The following MARCHF1 variants were observed in gnomAD, a reference collection of about 807,000 sequenced individuals.
The protein encoded by MARCHF1 is membrane associated ring-CH-type finger 1.
A neutral mutation model predicts 54.2 loss-of-function variants in MARCHF1; 40 were observed. The observed-to-expected ratio is 0.74, with a 90% CI of 0.57 to 0.96. MARCHF1 has a LOEUF of 0.96. Among genes scored for constraint, MARCHF1 ranks in the 40% least tolerant of loss-of-function variants. MARCHF1 has a pLI of 0.00. For synonymous variants in MARCHF1, 236 were observed against 236.3 expected, an observed-to-expected ratio of 1.00 and a Z score of 0.01; for missense variants, 586 against 656.5, an observed-to-expected ratio of 0.89 and a Z score of 1.17.
intron 1 of MARCHF1, among the ~76,000 whole-genome samples, chr4:164,181,452 A>G (rs1730831798): frequency 6.6e-6 from 1 of 152,184 alleles, no homozygotes; most frequent in Non-Finnish European, 1.5e-5. Flanking sequence ...AACTATGTTC[A>G]AGAACTACAA....
At chr4:163,623,534 G>C (rs1046388470) in intron 5 of MARCHF1, among the ~76,000 whole-genome samples, 1 of 152,124 alleles carries the variant, frequency 6.6e-6, no homozygotes, top group African/African-American at 2.4e-5. Flanking sequence ...GCCTAAATGG[G>C]ACGGCGTTAA....
At chr4:163,601,268 T>C (rs995138573) in intron 7 of MARCHF1, among the ~76,000 whole-genome samples, 2 of 152,156 alleles carry the variant, frequency 1.3e-5, no homozygotes, top group Non-Finnish European at 2.9e-5. Context: ...CAACAAACAC[T>C]GTACCCAGTA....
At chr4:163,989,645 T>C (rs901268660) in intron 2 of MARCHF1, among the ~76,000 whole-genome samples, 16 of 152,206 alleles carry the variant, frequency 1.1e-4, no homozygotes, top group African/African-American at 1.4e-4. Context: ...AAAAAATTCC[T>C]TTTAAAACAT....
chr4:164,369,384 G>C (rs1730968840), intron 1 of MARCHF1, among the ~76,000 whole-genome samples: 1 of 152,124 alleles, frequency 6.6e-6, no homozygotes, highest in Non-Finnish European at 1.5e-5. Flanking sequence ...ATGATTTCAA[G>C]AGCATCAAAG....
At chr4:163,660,832 CA>C (rs2111098951) in intron 5 of MARCHF1, among the ~76,000 whole-genome samples, 1 of 151,912 alleles carries the variant, frequency 6.6e-6, no homozygotes, top group Non-Finnish European at 1.5e-5. Flanking sequence ...AATCCAAATT[CA>C]AAAAAATTCC....
At chr4:164,313,150 A>C (rs371990327) in intron 1 of MARCHF1, among the ~76,000 whole-genome samples, 2 of 151,018 alleles carry the variant, frequency 1.3e-5, no homozygotes, top group African/African-American at 2.4e-5. Flanking sequence ...CATCCTGGCT[A>C]ATTCAGTGAA....
At chr4:163,751,133 TTGTGTGTGTGTGTG>T (rs70948664) in intron 4 of MARCHF1, among the ~76,000 whole-genome samples, 43,974 of 147,306 alleles carry the variant, frequency 0.3, 7,468 homozygotes, top group Non-Finnish European at 0.4. Flanking sequence ...TATTACCACT[TTGTGTGTGTGTGTG>T]TGTGTGTGTG....
intron 2 of MARCHF1, among the ~76,000 whole-genome samples, chr4:164,032,260 A>G (rs1753893605): frequency 6.6e-6 from 1 of 151,792 alleles, no homozygotes; most frequent in Admixed American, 6.6e-5. Flanking sequence ...GGTACCTATT[A>G]TATTAATTAT....
chr4:164,284,222 T>G (rs1290400540), intron 1 of MARCHF1, among the ~76,000 whole-genome samples: 1 of 150,924 alleles, frequency 6.6e-6, no homozygotes, highest in Non-Finnish European at 1.5e-5. Context: ...AATGTATTAA[T>G]TTGAGTATTC....
intron 3 of MARCHF1, among the ~76,000 whole-genome samples, chr4:163,942,687 C>G (rs937152650): frequency 6.6e-6 from 1 of 152,132 alleles, no homozygotes; most frequent in African/African-American, 2.4e-5. Context: ...GCCCTGCACA[C>G]AAAATGTTTT....
chr4:163,540,357 A>AGTGTGTGTATAAGGAAGG (rs1417130342), intron 9 of MARCHF1, among the ~76,000 whole-genome samples: 3 of 152,098 alleles, frequency 2.0e-5, no homozygotes, highest in Admixed American at 6.5e-5. Context: ...AGAACTACGA[A>AGTGTGTGTATAAGGAAGG]GTGTGTGTAT....
chr4:164,097,994 C>A (rs1216060700), intron 2 of MARCHF1, among the ~76,000 whole-genome samples: 3 of 152,128 alleles, frequency 2.0e-5, no homozygotes, highest in African/African-American at 4.8e-5. Flanking sequence ...CCTGGCTAGA[C>A]AAGTGTTTAG....
intron 4 of MARCHF1, among the ~76,000 whole-genome samples, chr4:163,713,775 G>A (rs757307244): frequency 5.3e-5 from 8 of 152,156 alleles, no homozygotes; most frequent in African/African-American, 1.2e-4. Context: ...ACCCCAGTAA[G>A]GATAAGGACA....
intron 2 of MARCHF1, among the ~76,000 whole-genome samples, chr4:164,068,340 T>G (rs1343900792): frequency 6.6e-6 from 1 of 152,096 alleles, no homozygotes; most frequent in Non-Finnish European, 1.5e-5. Context: ...TGGGAGCCCC[T>G]TTCTGGGCTG....
intron 2 of MARCHF1, among the ~76,000 whole-genome samples, chr4:164,073,963 C>A (rs1754921810): frequency 6.6e-6 from 1 of 152,086 alleles, no homozygotes; most frequent in Non-Finnish European, 1.5e-5. Context: ...CACCACCACA[C>A]CCAGCTAATT....
At chr4:164,119,137 T>C (rs2110764856) in intron 1 of MARCHF1, among the ~76,000 whole-genome samples, 1 of 151,644 alleles carries the variant, frequency 6.6e-6, no homozygotes, top group Admixed American at 6.6e-5. Context: ...TTAGTAAATA[T>C]CCTAAAGTAT....
At chr4:163,966,620 G>A (rs181159058) in intron 3 of MARCHF1, among the ~76,000 whole-genome samples, 58 of 152,206 alleles carry the variant, frequency 3.8e-4, no homozygotes, top group African/African-American at 1.3e-3. Flanking sequence ...ATATATTAGG[G>A]CTTTTTCCAT....
At chr4:164,325,941 G>A (rs1735268959) in intron 1 of MARCHF1, among the ~76,000 whole-genome samples, 1 of 152,100 alleles carries the variant, frequency 6.6e-6, no homozygotes, top group Admixed American at 6.5e-5. Flanking sequence ...AATACATGGA[G>A]CAGTGGCTAT....
chr4:164,054,758 T>G (rs1419496592), intron 2 of MARCHF1, among the ~76,000 whole-genome samples: 1 of 117,656 alleles, frequency 8.5e-6, no homozygotes, highest in Non-Finnish European at 1.6e-5. Context: ...AAGGGGAATA[T>G]CACACTCTGG....
Sources: gnomAD v4.1 joint callset for allele counts (sites outside exome capture counted in the v4.1 genomes callset) on GRCh38, gnomAD v4.1.1 for gene constraint, MANE v1.5 for transcripts, NCBI Gene and HGNC (gene_info 2026-07-23, HGNC 2026-07-21) for gene names.